The following PRPS1 variants were observed in gnomAD, a reference collection of about 807,000 sequenced individuals.
PRPS1 encodes the protein ribose-phosphate pyrophosphokinase 1.
In PRPS1, 1 loss-of-function variant was observed where a neutral mutation model predicts 16.9. The observed-to-expected ratio is 0.06, with a 90% CI of 0.02 to 0.28. PRPS1 has a LOEUF of 0.28. Ranked by LOEUF, PRPS1 falls within the 10% of genes least tolerant of loss-of-function variation. PRPS1 has a pLI of 1.00. For missense variants in PRPS1, 47 were observed against 254.0 expected (o/e 0.19, Z 5.54); for synonymous variants, 70 against 90.2 (o/e 0.78, Z 1.27).
chrX:107,640,770 C>G, intron 2 of PRPS1, 132 bp from the exon 3 acceptor site: 1 of 668,135 alleles, frequency 1.5e-6, no homozygotes, highest in Non-Finnish European at 2.4e-6. Flanking sequence ...ATGGACATGT[C>G]TCCTTCTATG....
At position 107,650,890 on chromosome X, in the gene PRPS1, ATTAAT is replaced by A. The variant is rs1290674828; in HGVS notation, c.*863_*867del. On this transcript the variant is annotated 3_prime_UTR_variant, in exon 7 of 7. Transcript: ENST00000372435. ...TTAGGTGGTATCGTAGTGCCTTTTGATTAATTTAAGTATTTAATTTTCATCTTCCT... is the reference window on the plus strand; with the variant it reads ...TTAGGTGGTATCGTAGTGCCTTTTGATTAAGTATTTAATTTTCATCTTCCT... 3 of 280,071 alleles carry A rather than the reference ATTAAT, an allele frequency of 1.1e-5. No homozygotes were observed. The highest frequency in any genetic ancestry group is 5.6e-5 in the African/African-American group (2 of 35,874). The allele number at this position is 280,071 out of a possible 1,213,427, so 23.1% of individuals were successfully genotyped here.
chrX:107,633,962 C>T (rs1339655954), intron 1 of PRPS1, among the ~76,000 whole-genome samples: 3 of 111,599 alleles, frequency 2.7e-5, no homozygotes, highest in Admixed American at 1.9e-4. Context: ...ATAAAATAAT[C>T]AACTCTATTA....
chrX:107,650,691 C>T lies in PRPS1; in HGVS notation c.*659C>T, dbSNP rs1291119734. 1 of 299,033 alleles carries T rather than the reference C, an allele frequency of 3.3e-6. No individual in the cohort carries two copies. Among genetic ancestry groups the T allele is most frequent in the East Asian group, 4.7e-5 (1 of 21,064 alleles). The allele number at this position is 299,033 out of a possible 1,213,427, so 24.6% of individuals were successfully genotyped here. ...CCTATCCCTTTCGATTTGGCTTTAC[C>T]TTCATCTATCTTGATCCTTTCCTGG... On this transcript the variant is annotated 3_prime_UTR_variant, in exon 7 of 7. Transcript: ENST00000372435.
At chrX:107,635,012 T>G (rs1203002394) in intron 1 of PRPS1, among the ~76,000 whole-genome samples, 2 of 110,302 alleles carry the variant, frequency 1.8e-5, no homozygotes, top group Non-Finnish European at 3.8e-5. Flanking sequence ...GCTAATTTTT[T>G]TGTATTTTTT....
At chrX:107,631,713 G>A (rs928670619) in intron 1 of PRPS1, among the ~76,000 whole-genome samples, 9 of 111,399 alleles carry the variant, frequency 8.1e-5, no homozygotes, top group Admixed American at 1.9e-4. Context: ...TTTTTGAGAC[G>A]GAGTTTCACT....
At chrX:107,638,677 C>T (rs749166704) in intron 1 of PRPS1, among the ~76,000 whole-genome samples, 1 of 111,326 alleles carries the variant, frequency 9.0e-6, no homozygotes, top group Non-Finnish European at 1.9e-5. Context: ...TTCTACCCTG[C>T]CCCCTGCTCC....
intron 2 of PRPS1, among the ~76,000 whole-genome samples, chrX:107,640,185 A>G (rs1219106167): frequency 1.8e-5 from 2 of 112,323 alleles, no homozygotes; most frequent in Non-Finnish European, 3.8e-5. Context: ...ACTAAAATAC[A>G]AAAGAAATTA....
Position 107,650,148 on chromosome X carries a change from C to T in PRPS1, c.*116C>T. The T allele has an allele frequency of 8.6e-7, 1 of 1,159,913 alleles. No individual in the cohort carries two copies. Among genetic ancestry groups the T allele is most frequent in the Non-Finnish European group, 1.2e-6 (1 of 860,870 alleles). On this transcript the variant is annotated 3_prime_UTR_variant, in exon 7 of 7. Transcript: ENST00000372435. ...CTTGCTCCAGTGTAGCTTTCTACAT[C>T]CCACATCAGGTATATTAGAGCTTAT... is the stretch of plus-strand genomic sequence containing the variant.
At chrX:107,641,230 G>A in intron 3 of PRPS1, 2 of 883,593 alleles carry the variant, frequency 2.3e-6, no homozygotes, top group Non-Finnish European at 3.1e-6. Context: ...TTGAATAAAG[G>A]CTCTGGTATT....
In PRPS1 at chrX:107,647,765, G is replaced by A; in HGVS notation, c.864G>A (p.Gln288=). 8.3e-7 allele frequency: 1 copy of A among 1,210,866 alleles called. No individual in the cohort carries two copies. The highest frequency in any genetic ancestry group is 1.1e-6 in the Non-Finnish European group (1 of 894,854). ...EDKMKHCSKI[Q]VIDISMILAE... Reference sequence around the variant, plus strand: ...AGATGAAGCATTGCTCCAAAATACAGGTGAGGATGAGATTTGTGCAAAACA... The same window carrying A: ...AGATGAAGCATTGCTCCAAAATACAAGTGAGGATGAGATTTGTGCAAAACA... Residue 288 remains glutamine, a splice_region_variant and synonymous_variant, in exon 6 of 7, where the codon CAG becomes CAA. Transcript: ENST00000372435.
chrX:107,648,839 A>G (rs899313218), intron 6 of PRPS1, among the ~76,000 whole-genome samples: 7 of 110,800 alleles, frequency 6.3e-5, no homozygotes, highest in Non-Finnish European at 1.3e-4. Flanking sequence ...AGCTCACCGC[A>G]ACCTCAGCCT....
At chrX:107,634,341 A>G (rs1162252865) in intron 1 of PRPS1, among the ~76,000 whole-genome samples, 1 of 108,132 alleles carries the variant, frequency 9.2e-6, no homozygotes, top group Non-Finnish European at 1.9e-5. Context: ...CAGCCTCCCG[A>G]GTAGCTGGGA....
chrX:107,633,755 C>T (rs1569437365), intron 1 of PRPS1, among the ~76,000 whole-genome samples: 1 of 110,130 alleles, frequency 9.1e-6, no homozygotes. Context: ...GGCAAAACCC[C>T]ATCTCTACTA....
intron 1 of PRPS1, among the ~76,000 whole-genome samples, chrX:107,630,417 G>C (rs552527422): frequency 1.8e-5 from 2 of 111,871 alleles, no homozygotes; most frequent in South Asian, 7.4e-4. Flanking sequence ...GGCTATATTG[G>C]GAGAGGAGAG....
At chrX:107,629,569 G>A (rs1401162533) in intron 1 of PRPS1, among the ~76,000 whole-genome samples, 1 of 112,382 alleles carries the variant, frequency 8.9e-6, no homozygotes, top group East Asian at 2.8e-4. Context: ...TTTAAGCTCT[G>A]TGTAGGGAAT....
At chrX:107,639,616 A>C (rs998598761) in intron 2 of PRPS1, 138 bp downstream of exon 2, 2 of 612,739 alleles carry the variant, frequency 3.3e-6, no homozygotes, top group Non-Finnish European at 5.1e-6. Flanking sequence ...CCCTATCTTC[A>C]AAACAATAGA....
At chrX:107,638,605 GA>G (rs1463429409) in intron 1 of PRPS1, among the ~76,000 whole-genome samples, 6 of 111,249 alleles carry the variant, frequency 5.4e-5, no homozygotes, top group Non-Finnish European at 1.1e-4. Flanking sequence ...ATTTTTTGTA[GA>G]GATGGGGTCT....
intron 2 of PRPS1, among the ~76,000 whole-genome samples, chrX:107,639,988 A>G (rs1012575880): frequency 2.1e-4 from 24 of 112,868 alleles, no homozygotes; most frequent in African/African-American, 7.4e-4. Context: ...TTAATGCCCA[A>G]TTTTACACAC....
rs535502290 is a variant in PRPS1 at position 107,643,397 on chromosome X, C to A, written c.530+907C>A. 2.4e-3 allele frequency among the ~76,000 whole-genome samples: 269 copies of A among 112,319 alleles called. 1 individual carries two copies. The highest frequency in any genetic ancestry group is 4.4e-3 in the South Asian group (12 of 2,717). On this transcript the variant is annotated intron_variant, in intron 4 of 6. Transcript: ENST00000372435. The stretch of plus-strand genomic sequence containing the variant: ...AATTTGTCGGTCATTATTTTAATAT[C>A]TTTCTGTGGGACTTAGAAAATAGTC...
Sources: allele counts gnomAD v4.1 joint callset (sites outside exome capture counted in the v4.1 genomes callset), GRCh38; gene constraint gnomAD v4.1.1; transcripts MANE v1.5; gene names NCBI Gene and HGNC (gene_info 2026-07-23, HGNC 2026-07-21).